The following FCF1 variants were observed in gnomAD, a reference collection of about 807,000 sequenced individuals.
The protein encoded by FCF1 is FCF1 rRNA-processing protein.
In FCF1, 17 loss-of-function variants were observed where a neutral mutation model predicts 32.5. The ratio of observed to expected loss-of-function variants is 0.52; its 90% CI spans 0.36 to 0.78. FCF1 has a LOEUF of 0.78. Ranked by LOEUF, FCF1 falls within the 30% of genes least tolerant of loss-of-function variation. The pLI, the probability that FCF1 is intolerant of heterozygous loss-of-function variation, is 0.00. For missense variants in FCF1, 201 were observed against 241.1 expected, an observed-to-expected ratio of 0.83 and a Z score of 1.10; for synonymous variants, 84 against 78.4, an observed-to-expected ratio of 1.07 and a Z score of -0.38.
chr14:74,732,695 C>A, intron 5 of FCF1, 36 bp from the exon 6 acceptor site: 2 of 1,374,522 alleles, frequency 1.5e-6, no homozygotes, highest in Middle Eastern at 2.3e-4. Context: ...AGAAAGTTAT[C>A]CAGCTGATTG....
In FCF1 at chr14:74,715,285, A is replaced by C. The variant is rs1015852531; in HGVS notation, c.143+342A>C. 9.9e-5 allele frequency among the ~76,000 whole-genome samples: 15 copies of C among 152,186 alleles called. 1 individual carries two copies. The South Asian group carries it at 3.1e-3, about 31-fold the overall frequency. On this transcript the variant is annotated intron_variant, in intron 3 of 7. Transcript: ENST00000341162. ...AAAATATTTAAAATATATTTTCAGA[A>C]TAAAGATATTTATATAAAGATATGA...
rs1365080108 is a variant in FCF1 at position 74,734,090 on chromosome 14, T to C, written c.468T>C (p.Ile156=). ...GTCTCTTACAGCATAAGTGTTACAT[T>C]GTGGCCACAGTTGACCGGGACCTGA... The part of the protein sequence containing the change: ...VQRVTQHKCY[I]VATVDRDLKR... The change falls in exon 7 of 8, where the codon ATT becomes ATC. Residue 156 remains isoleucine, a synonymous_variant. Transcript: ENST00000341162. The C allele has an allele frequency of 1.2e-6, 2 of 1,613,170 alleles. No homozygotes were observed. Among genetic ancestry groups the C allele is most frequent in the South Asian group, 2.2e-5 (2 of 91,054 alleles).
At chr14:74,725,656 C>T (rs990213271) in intron 5 of FCF1, among the ~76,000 whole-genome samples, 2 of 151,946 alleles carry the variant, frequency 1.3e-5, no homozygotes, top group African/African-American at 4.8e-5. Flanking sequence ...GGCGGCCAGC[C>T]AGGCGCAGTG....
At chr14:74,719,537 G>A (rs1231846815) in intron 4 of FCF1, among the ~76,000 whole-genome samples, 1 of 152,040 alleles carries the variant, frequency 6.6e-6, no homozygotes, top group African/African-American at 2.4e-5. Flanking sequence ...AAGGTGGGTG[G>A]ATTGCTTGAG....
chr14:74,713,379 G>T, intron 1 of FCF1, 106 bp from the exon 2 acceptor site: 1 of 1,545,298 alleles, frequency 6.5e-7, no homozygotes, highest in East Asian at 2.3e-5. Flanking sequence ...AAGAGGGTCT[G>T]GGTTATTTGA....
chr14:74,727,724 G>T (rs1028478293), intron 5 of FCF1, among the ~76,000 whole-genome samples: 1 of 152,062 alleles, frequency 6.6e-6, no homozygotes, highest in Non-Finnish European at 1.5e-5. Context: ...TTTCTTTTAG[G>T]GTTTTTATGG....
intron 4 of FCF1, among the ~76,000 whole-genome samples, chr14:74,722,471 T>C (rs924006580): frequency 4.6e-5 from 7 of 152,220 alleles, no homozygotes; most frequent in African/African-American, 1.7e-4. Flanking sequence ...TTAGTTAACT[T>C]CTTTGTGTCT....
In FCF1 at chr14:74,723,773, A is replaced by C. The variant is rs140765709; in HGVS notation, c.365+429A>C. Among the ~76,000 whole-genome samples, 563 of 151,308 alleles carry C rather than the reference A, an allele frequency of 3.7e-3. 2 individuals carry two copies. Among genetic ancestry groups the C allele is most frequent in the Admixed American group, 6.8e-3 (102 of 15,054 alleles). On this transcript the variant is annotated intron_variant, in intron 5 of 7. Coordinates refer to ENST00000341162, the MANE Select transcript of FCF1 (RefSeq NM_015962.5). ...AACCTAGGAGGCGGAGGTTGCAGTG[A>C]GCCTACATCACGCCATTGCACTCCA... is the stretch of plus-strand genomic sequence containing the variant.
intron 7 of FCF1, 50 bp from the exon 8 acceptor site, chr14:74,734,832 G>A: frequency 6.6e-7 from 1 of 1,512,926 alleles, no homozygotes; most frequent in South Asian, 1.1e-5. Flanking sequence ...GTTTTTAGAT[G>A]GGTTCTCTTC....
At chr14:74,715,125 C>A (rs1226807547) in intron 3 of FCF1, among the ~76,000 whole-genome samples, 182 bp downstream of exon 3, 3 of 152,034 alleles carry the variant, frequency 2.0e-5, no homozygotes, top group Non-Finnish European at 2.9e-5. Flanking sequence ...TTTTATGGAG[C>A]AGTAAAATTT....
Position 74,723,279 on chromosome 14 carries a change from A to G in FCF1, c.300A>G (p.Pro100=), listed in dbSNP as rs61730183. 2,269 of 1,612,852 alleles carry G rather than the reference A, an allele frequency of 1.4e-3. 11 individuals carry two copies. Among genetic ancestry groups the G allele is most frequent in the Non-Finnish European group, 1.1e-3 (1,245 of 1,179,060 alleles). The change falls in exon 5 of 8, where the codon CCA becomes CCG. Residue 100 remains proline, a synonymous_variant. Transcript: ENST00000341162. ...AATTTTTTTCCCTGGCAGGTATCCC[A>G]TGTATAACCGATTGTGTAATGGCTG... ...MMDCLYAKCI[P]CITDCVMAEI...
Position 74,713,197 on chromosome 14 carries a change from C to G in FCF1, c.-1C>G, listed in dbSNP as rs2090354993. 3 of 1,614,052 alleles carry G rather than the reference C, an allele frequency of 1.9e-6. No individual in the cohort carries two copies. Among genetic ancestry groups the G allele is most frequent in the Non-Finnish European group, 2.5e-6 (3 of 1,180,056 alleles). ...GGAAGAACCAGGAGTTTGGCGTGAC[C>G]ATGGTGAGAGAAGACGGTCCAAGAA... On this transcript the variant is annotated 5_prime_UTR_variant, in exon 1 of 8. Coordinates refer to ENST00000341162, the MANE Select transcript of FCF1 (RefSeq NM_015962.5).
intron 5 of FCF1, among the ~76,000 whole-genome samples, chr14:74,731,267 T>C (rs1323227609): frequency 6.6e-6 from 1 of 152,156 alleles, no homozygotes; most frequent in Non-Finnish European, 1.5e-5. Context: ...GGTAAAAAGA[T>C]TTTTTTGTCT....
At chr14:74,716,785 C>T (rs960678785) in intron 4 of FCF1, among the ~76,000 whole-genome samples, 10 of 152,040 alleles carry the variant, frequency 6.6e-5, no homozygotes, top group African/African-American at 1.9e-4. Context: ...TTCAGTCACC[C>T]GGTTAGAGGT....
In FCF1 at chr14:74,713,187, T is replaced by A; in HGVS notation, c.-11T>A. ...TGGTGATTACGGAAGAACCAGGAGT[T>A]TGGCGTGACCATGGTGAGAGAAGAC... is the stretch of plus-strand genomic sequence containing the variant. On this transcript the variant is annotated 5_prime_UTR_variant, in exon 1 of 8. In the 5' UTR this introduces an upstream ATG that the reference lacks. Coordinates refer to ENST00000341162, the MANE Select transcript of FCF1 (RefSeq NM_015962.5). 6.2e-7 allele frequency: 1 copy of A among 1,614,194 alleles called. No individual in the cohort carries two copies. The highest frequency in any genetic ancestry group is 1.1e-5 in the South Asian group (1 of 91,074).
intron 4 of FCF1, among the ~76,000 whole-genome samples, chr14:74,720,897 G>A (rs79103359): frequency 1.4e-5 from 1 of 69,068 alleles, no homozygotes; most frequent in African/African-American, 5.2e-5. Context: ...TTTTTTTTTT[G>A]AGACAGGCTG....
At chr14:74,730,427 G>A (rs1251237497) in intron 5 of FCF1, among the ~76,000 whole-genome samples, 1 of 151,794 alleles carries the variant, frequency 6.6e-6, no homozygotes, top group African/African-American at 2.4e-5. Context: ...AATTTTTTTG[G>A]TAGAGACTGG....
chr14:74,732,773 C>G lies in FCF1; in HGVS notation c.408C>G (p.His136Gln). 1 of 1,612,868 alleles carries G rather than the reference C, an allele frequency of 6.2e-7. No homozygotes were observed. Among genetic ancestry groups the G allele is most frequent in the Non-Finnish European group, 8.5e-7 (1 of 1,179,356 alleles). The stretch of plus-strand genomic sequence containing the variant: ...GATTTGAACGATTACCATGTACACA[C>G]AAAGGAACCTATGCAGATGACTGCT... ...DPRFERLPCTHKGTYADDCLV... is the reference protein window; with the variant it reads ...DPRFERLPCTQKGTYADDCLV... Residue 136 changes from histidine (H) to glutamine (Q), a missense_variant, in exon 6 of 8, where the codon CAC (histidine) becomes CAG (glutamine). Coordinates refer to ENST00000341162, the MANE Select transcript of FCF1 (RefSeq NM_015962.5).
intron 5 of FCF1, among the ~76,000 whole-genome samples, chr14:74,730,574 G>A (rs1346017160): frequency 6.6e-6 from 1 of 151,982 alleles, no homozygotes; most frequent in Admixed American, 6.6e-5. Context: ...ATTAGCTGGG[G>A]GTGGTGGCAG....
Sources: gnomAD v4.1 joint callset for allele counts (sites outside exome capture counted in the v4.1 genomes callset) on GRCh38, gnomAD v4.1.1 for gene constraint, MANE v1.5 for transcripts, NCBI Gene and HGNC (gene_info 2026-07-23, HGNC 2026-07-21) for gene names.